The following ATP6V0D1 variants were observed in gnomAD, a reference collection of about 807,000 sequenced individuals.
ATP6V0D1 encodes the protein V-type proton ATPase subunit d 1.
ATP6V0D1 carries 13 observed loss-of-function variants against 39.0 expected under a neutral mutation model. The ratio of observed to expected loss-of-function variants is 0.33; its 90% CI spans 0.22 to 0.53. The LOEUF is 0.53. Ranked by LOEUF, ATP6V0D1 falls within the 20% of genes least tolerant of loss-of-function variation. The pLI is 0.94. For synonymous variants in ATP6V0D1, 191 were observed against 191.2 expected (o/e 1.00, Z 0.01); for missense variants, 272 against 470.9 (o/e 0.58, Z 3.91).
intron 1 of ATP6V0D1, among the ~76,000 whole-genome samples, chr16:67,471,921 C>A (rs953653719): frequency 1.3e-5 from 2 of 152,112 alleles, no homozygotes; most frequent in Non-Finnish European, 2.9e-5. Flanking sequence ...AGATTACAGG[C>A]GTTAGCCACC....
chr16:67,469,153 CA>C (rs1377825267), intron 1 of ATP6V0D1, among the ~76,000 whole-genome samples: 2 of 152,004 alleles, frequency 1.3e-5, no homozygotes, highest in Admixed American at 6.5e-5. Context: ...ACTAAAAATA[CA>C]AAAATTAGCC....
intron 1 of ATP6V0D1, among the ~76,000 whole-genome samples, chr16:67,462,596 GAGGGA>G (rs2041297230): frequency 6.6e-6 from 1 of 152,192 alleles, no homozygotes; most frequent in African/African-American, 2.4e-5. Context: ...AGACCAAGGT[GAGGGA>G]ATCACTTGAC....
rs2041202054 is a variant in ATP6V0D1, at chr16:67,453,267, T to C, written c.302+277A>G. Among the ~76,000 whole-genome samples, 1 of 152,212 alleles carries C rather than the reference T, an allele frequency of 6.6e-6. No individual in the cohort carries two copies. The highest frequency in any genetic ancestry group is 2.4e-5 in the African/African-American group (1 of 41,456). On this transcript the variant is annotated intron_variant, in intron 2 of 7. Coordinates refer to ENST00000290949, the MANE Select transcript of ATP6V0D1 (RefSeq NM_004691.5). The surrounding 1 kb of genome is among the most constrained non-coding windows in gnomAD (Gnocchi z 4.1). The stretch of plus-strand genomic sequence containing the variant: ...TCCAGCACTACTGCGTGGGACACTC[T>C]TGCCTGCCCATCATATCTTCAGCCA...
chr16:67,452,224 C>G, intron 2 of ATP6V0D1: 3 of 1,534,652 alleles, frequency 2.0e-6, no homozygotes, highest in Non-Finnish European at 2.6e-6. Flanking sequence ...CCCAGTAGGT[C>G]CATGTTGGCA....
intron 2 of ATP6V0D1, among the ~76,000 whole-genome samples, chr16:67,448,279 G>C (rs1461279951): frequency 7.2e-6 from 1 of 138,674 alleles, no homozygotes; most frequent in Non-Finnish European, 1.5e-5. Context: ...TTGAGCCCAG[G>C]AGATCAAGGC....
At chr16:67,450,544 TG>T (rs1379396650) in intron 2 of ATP6V0D1, among the ~76,000 whole-genome samples, 1 of 151,758 alleles carries the variant, frequency 6.6e-6, no homozygotes, top group Non-Finnish European at 1.5e-5. Flanking sequence ...CTAGGGGGGC[TG>T]GGGGGTGGAC....
intron 2 of ATP6V0D1, chr16:67,452,507 C>T (rs564697637): frequency 8.5e-6 from 9 of 1,054,090 alleles, no homozygotes; most frequent in South Asian, 5.4e-5. Context: ...TGTGCCAGGT[C>T]CCAAGGAAAA....
chr16:67,453,805 C>T lies in ATP6V0D1; in HGVS notation c.131-90G>A. 1 of 1,298,774 alleles carries T rather than the reference C, an allele frequency of 7.7e-7. No individual in the cohort carries two copies. Among genetic ancestry groups the T allele is most frequent in the South Asian group, 1.3e-5 (1 of 76,092 alleles). The allele number at this position is 1,298,774 out of a possible 1,614,324, so 80.5% of individuals were successfully genotyped here. A position where few individuals can be genotyped will look rare whatever the true frequency, so the allele number is the denominator to read the frequency against. On this transcript the variant is annotated intron_variant, in intron 1 of 7. Transcript: ENST00000290949. The surrounding 1 kb of genome is among the most constrained non-coding windows in gnomAD (Gnocchi z 4.1). ...CATCCCCACCCCAACTCAGCCCCAGCTCTCCCCTGCAGTTGTGTCCCGCTA... is the reference window on the plus strand; with the variant it reads ...CATCCCCACCCCAACTCAGCCCCAGTTCTCCCCTGCAGTTGTGTCCCGCTA...
chr16:67,448,440 A>T (rs1367921790), intron 2 of ATP6V0D1, among the ~76,000 whole-genome samples: 1 of 152,100 alleles, frequency 6.6e-6, no homozygotes, highest in Non-Finnish European at 1.5e-5. Context: ...AGGGCGGATC[A>T]CTTGAGGCCA....
At position 67,472,585 on chromosome 16, in the gene ATP6V0D1, C is replaced by T. The variant is rs192387238; in HGVS notation, c.130+8372G>A. Among the ~76,000 whole-genome samples, 149 of 152,216 alleles carry T rather than the reference C, an allele frequency of 9.8e-4. 2 individuals carry two copies. The East Asian group carries it at 0.023, about 24-fold the overall frequency. ...ATGAAATGTATAAAATATTTCCAGG[C>T]GGCTGGGCGCGGTGGCTCATGCCTG... On this transcript the variant is annotated intron_variant, in intron 1 of 7. Coordinates refer to ENST00000290949, the MANE Select transcript of ATP6V0D1 (RefSeq NM_004691.5).
chr16:67,468,099 TG>T (rs1199838900), intron 1 of ATP6V0D1, among the ~76,000 whole-genome samples: 1 of 152,148 alleles, frequency 6.6e-6, no homozygotes, highest in Admixed American at 6.5e-5. Flanking sequence ...GCAGGGAGCC[TG>T]GGCAACATAG....
chr16:67,438,049 C>G lies in ATP6V0D1; in HGVS notation c.*479G>C. On this transcript the variant is annotated 3_prime_UTR_variant, in exon 8 of 8. Transcript: ENST00000290949. ...CTTAGAGAGGGCAGTTTTATTGTCT[C>G]AGAGGGGCAGGGCTGAGGGAGGGAG... 1 of 171,870 alleles carries G rather than the reference C, an allele frequency of 5.8e-6. No homozygotes were observed. Among genetic ancestry groups the G allele is most frequent in the Non-Finnish European group, 1.3e-5 (1 of 79,510 alleles). The allele number at this position is 171,870 out of a possible 1,614,324, so 10.6% of individuals were successfully genotyped here. A position where few individuals can be genotyped will look rare whatever the true frequency, so the allele number is the denominator to read the frequency against.
chr16:67,468,825 G>C (rs2041350589), intron 1 of ATP6V0D1, among the ~76,000 whole-genome samples: 1 of 152,174 alleles, frequency 6.6e-6, no homozygotes, highest in South Asian at 2.1e-4. Flanking sequence ...AGGCCTAGCA[G>C]GGGTTCAAGC....
rs2041019598 is a variant in ATP6V0D1, at chr16:67,439,357, G to C, written c.562-6C>G. 1 of 1,613,758 alleles carries C rather than the reference G, an allele frequency of 6.2e-7. No individual in the cohort carries two copies. Among genetic ancestry groups the C allele is most frequent in the Non-Finnish European group, 8.5e-7 (1 of 1,179,946 alleles). ...TAGAAGGACTCCAGGTAGGCCTGTA[G>C]AGAGTATGGAGCTTGCTCAGCACAG... On this transcript the variant is annotated splice_region_variant and splice_polypyrimidine_tract_variant and intron_variant, in intron 4 of 7. Transcript: ENST00000290949.
chr16:67,447,254 C>T lies in ATP6V0D1; in HGVS notation c.303-2548G>A, dbSNP rs531276262. Among the ~76,000 whole-genome samples the T allele has an allele frequency of 5.1e-4, 78 of 152,368 alleles. No individual in the cohort carries two copies. The highest frequency in any genetic ancestry group is 1.6e-3 in the African/African-American group (67 of 41,582). ...GTGCCAGGCCCAGCACTTCCCTTGCCGGGCTGGCTATAAGCTTGTTGCTGC... is the reference window on the plus strand; with the variant it reads ...GTGCCAGGCCCAGCACTTCCCTTGCTGGGCTGGCTATAAGCTTGTTGCTGC... On this transcript the variant is annotated intron_variant, in intron 2 of 7. Coordinates refer to ENST00000290949, the MANE Select transcript of ATP6V0D1 (RefSeq NM_004691.5). The surrounding 1 kb of genome is among the most constrained non-coding windows in gnomAD (Gnocchi z 4.1).
At chr16:67,448,816 G>C (rs1167019485) in intron 2 of ATP6V0D1, among the ~76,000 whole-genome samples, 1 of 152,136 alleles carries the variant, frequency 6.6e-6, no homozygotes, top group Non-Finnish European at 1.5e-5. Flanking sequence ...CTGCATGCTT[G>C]ACCCCAGGAG....
chr16:67,461,588 A>C (rs2041289684), intron 1 of ATP6V0D1, among the ~76,000 whole-genome samples: 1 of 152,234 alleles, frequency 6.6e-6, no homozygotes, highest in African/African-American at 2.4e-5. Flanking sequence ...GCACGGTCAC[A>C]TGCAAGTTAC....
intron 1 of ATP6V0D1, among the ~76,000 whole-genome samples, chr16:67,467,786 A>G (rs1419106324): frequency 6.6e-6 from 1 of 152,322 alleles, no homozygotes; most frequent in East Asian, 1.9e-4. Flanking sequence ...AGAGACAGTC[A>G]TATCATGTCC....
rs1349973815 is a variant in ATP6V0D1, at chr16:67,438,496, AAG to A, written c.*30_*31del. The A allele has an allele frequency of 4.4e-6, 7 of 1,605,286 alleles. No individual in the cohort carries two copies. Among genetic ancestry groups the A allele is most frequent in the Non-Finnish European group, 5.1e-6 (6 of 1,174,572 alleles). ...GCGCACACACACACACACACACACA[AAG>A]AGTGCAATTGAGAGCCTTGGGCCAG... On this transcript the variant is annotated 3_prime_UTR_variant, in exon 8 of 8. Coordinates refer to ENST00000290949, the MANE Select transcript of ATP6V0D1 (RefSeq NM_004691.5).
Sources: allele counts gnomAD v4.1 joint callset (sites outside exome capture counted in the v4.1 genomes callset), GRCh38; gene constraint gnomAD v4.1.1; non-coding constraint Gnocchi (gnomAD v3.1); transcripts MANE v1.5; gene names NCBI Gene and HGNC (gene_info 2026-07-23, HGNC 2026-07-21).